UVRAG: variants seen among roughly 807,000 people sequenced by gnomAD.
UVRAG encodes the protein UV radiation resistance-associated gene protein.
In UVRAG, 19 loss-of-function variants were observed where a neutral mutation model predicts 78.0. The observed-to-expected ratio is 0.24, with a 90% CI of 0.17 to 0.36. The LOEUF (loss-of-function observed/expected upper bound fraction) is 0.36, where lower values mean the gene tolerates loss of function less well. Ranked by LOEUF, UVRAG falls within the 10% of genes least tolerant of loss-of-function variation. The pLI is 1.00. For synonymous variants in UVRAG, 323 were observed against 324.6 expected, an observed-to-expected ratio of 1.00 and a Z score of 0.05; for missense variants, 740 against 853.8, an observed-to-expected ratio of 0.87 and a Z score of 1.66.
chr11:75,989,296 C>G (rs1280887546), intron 8 of UVRAG, among the ~76,000 whole-genome samples: 1 of 152,104 alleles, frequency 6.6e-6, no homozygotes, highest in Non-Finnish European at 1.5e-5. Flanking sequence ...CCCAAGTGAT[C>G]CGCCTACCTC....
At chr11:76,001,499 A>G (rs1368453098) in intron 8 of UVRAG, among the ~76,000 whole-genome samples, 1 of 152,222 alleles carries the variant, frequency 6.6e-6, no homozygotes, top group East Asian at 1.9e-4. Context: ...GAGGATATCA[A>G]TGAAACCAAA....
chr11:76,089,457 A>C (rs1048671889), intron 13 of UVRAG, among the ~76,000 whole-genome samples: 12 of 152,196 alleles, frequency 7.9e-5, no homozygotes. Context: ...TAGTATATTC[A>C]TATTGACAGT....
chr11:76,003,288 T>TTTTTTTTTTTTTTTTTTTTTG (rs1491521163), intron 8 of UVRAG, among the ~76,000 whole-genome samples: 3 of 62,472 alleles, frequency 4.8e-5, no homozygotes, highest in African/African-American at 1.8e-4. Flanking sequence ...TTTTTTTTTT[T>TTTTTTTTTTTTTTTTTTTTTG]GGAGACAGAG....
At chr11:75,831,474 G>A (rs1023733154) in intron 1 of UVRAG, among the ~76,000 whole-genome samples, 4 of 150,582 alleles carry the variant, frequency 2.7e-5, no homozygotes, top group Non-Finnish European at 4.4e-5. Context: ...GGCAAAAAGA[G>A]TGAAACTCCT....
At chr11:75,863,122 C>T (rs1220034656) in intron 3 of UVRAG, among the ~76,000 whole-genome samples, 4 of 152,196 alleles carry the variant, frequency 2.6e-5, no homozygotes, top group African/African-American at 9.7e-5. Context: ...ATCAAGCTGT[C>T]TTTGAAATGT....
chr11:75,883,931 TTG>T (rs917318425), intron 4 of UVRAG, among the ~76,000 whole-genome samples: 25 of 152,270 alleles, frequency 1.6e-4, no homozygotes, highest in African/African-American at 5.8e-4. Context: ...ATATAGGTCT[TTG>T]TGTTTCTTTT....
At chr11:76,135,332 AT>A (rs1158709044) in intron 14 of UVRAG, among the ~76,000 whole-genome samples, 1 of 152,200 alleles carries the variant, frequency 6.6e-6, no homozygotes, top group African/African-American at 2.4e-5. Flanking sequence ...GTTGATTGCA[AT>A]AAATAAGGAC....
chr11:76,042,553 CT>C (rs1364653309), intron 12 of UVRAG, among the ~76,000 whole-genome samples: 3 of 152,058 alleles, frequency 2.0e-5, no homozygotes, highest in Non-Finnish European at 4.4e-5. Context: ...CTACAATTGG[CT>C]TTTTACTAAT....
intron 6 of UVRAG, among the ~76,000 whole-genome samples, chr11:75,918,294 G>A (rs1486247733): frequency 6.6e-6 from 1 of 151,644 alleles, no homozygotes; most frequent in Non-Finnish European, 1.5e-5. Context: ...CAGGAGAATG[G>A]CGTGAACCCA....
chr11:75,885,578 A>G (rs1947056519), intron 4 of UVRAG, among the ~76,000 whole-genome samples: 1 of 152,146 alleles, frequency 6.6e-6, no homozygotes, highest in East Asian at 1.9e-4. Context: ...CACTAATCCT[A>G]GCAGCTGTCT....
intron 12 of UVRAG, among the ~76,000 whole-genome samples, chr11:76,049,738 A>G (rs535197252): frequency 6.6e-6 from 1 of 152,356 alleles, no homozygotes; most frequent in East Asian, 1.9e-4. Flanking sequence ...GAACTGGGAT[A>G]CAGCATCAGT....
At chr11:76,124,748 C>T (rs1432949239) in intron 14 of UVRAG, among the ~76,000 whole-genome samples, 1 of 152,220 alleles carries the variant, frequency 6.6e-6, no homozygotes, top group Non-Finnish European at 1.5e-5. Flanking sequence ...TTCTGCTGAC[C>T]TATTTCTAAT....
At chr11:75,871,220 T>C (rs1946640965) in intron 3 of UVRAG, among the ~76,000 whole-genome samples, 1 of 151,966 alleles carries the variant, frequency 6.6e-6, no homozygotes, top group Admixed American at 6.6e-5. Flanking sequence ...AGAACCTCTC[T>C]TCTGACTTCT....
intron 3 of UVRAG, among the ~76,000 whole-genome samples, chr11:75,871,980 A>T (rs1946661929): frequency 6.6e-6 from 1 of 152,226 alleles, no homozygotes; most frequent in African/African-American, 2.4e-5. Flanking sequence ...ATACCAGTTA[A>T]TGCCAATTAG....
At chr11:75,976,898 T>C (rs577868472) in intron 7 of UVRAG, among the ~76,000 whole-genome samples, 27 of 152,354 alleles carry the variant, frequency 1.8e-4, no homozygotes, top group Middle Eastern at 3.4e-3. Flanking sequence ...AGTTATTTCT[T>C]GCCTTCTGCT....
intron 1 of UVRAG, among the ~76,000 whole-genome samples, chr11:75,833,940 C>G (rs1247881089): frequency 6.6e-6 from 1 of 152,224 alleles, no homozygotes; most frequent in Non-Finnish European, 1.5e-5. Flanking sequence ...GCATGGGCAT[C>G]ATGGCCATCA....
intron 6 of UVRAG, among the ~76,000 whole-genome samples, chr11:75,915,511 CTTG>C (rs759135655): frequency 3.9e-5 from 6 of 152,258 alleles, no homozygotes; most frequent in East Asian, 3.9e-4. Flanking sequence ...AGCCAGTTTA[CTTG>C]TTGTTGTATT....
At chr11:75,928,960 A>AG in intron 6 of UVRAG, among the ~76,000 whole-genome samples, 5 of 150,846 alleles carry the variant, frequency 3.3e-5, no homozygotes, top group African/African-American at 1.2e-4. Flanking sequence ...AAAAAAAAAA[A>AG]AAAAGAATTG....
chr11:76,030,786 G>C (rs919106029), intron 12 of UVRAG, among the ~76,000 whole-genome samples: 1 of 152,098 alleles, frequency 6.6e-6, no homozygotes, highest in Non-Finnish European at 1.5e-5. Context: ...GCTCTTTCTT[G>C]ATTTCCCATA....
Sources: allele counts gnomAD v4.1 joint callset (sites outside exome capture counted in the v4.1 genomes callset), GRCh38; gene constraint gnomAD v4.1.1; transcripts MANE v1.5; gene names NCBI Gene and HGNC (gene_info 2026-07-23, HGNC 2026-07-21).